CHST8: variants seen among roughly 807,000 people sequenced by gnomAD.
CHST8 encodes GALNAC-4-ST1.
Under a neutral mutation model 15.0 loss-of-function variants are expected in CHST8, and 10 were observed. The observed-to-expected ratio is 0.67, with a 90% CI of 0.41 to 1.13. CHST8 has a LOEUF of 1.13. Among genes scored for constraint, CHST8 ranks in the 50% most tolerant of loss-of-function variants. The probability of loss-of-function intolerance (pLI) is 0.00; values close to 1 mark genes in which losing one functional copy is unlikely to be tolerated. For synonymous variants in CHST8, 259 were observed against 256.6 expected, an observed-to-expected ratio of 1.01 and a Z score of -0.09; for missense variants, 634 against 608.2, an observed-to-expected ratio of 1.04 and a Z score of -0.45.
At chr19:33,708,939 T>C (rs1417996141) in intron 3 of CHST8, among the ~76,000 whole-genome samples, 2 of 152,236 alleles carry the variant, frequency 1.3e-5, no homozygotes, top group African/African-American at 4.8e-5. Context: ...ATACAAGTCT[T>C]ATCTTTCTTT....
rs145493860 is a variant in CHST8, at chr19:33,728,244, G to A, written c.130+38853G>A. Among the ~76,000 whole-genome samples, 1,135 of 152,322 alleles carry A rather than the reference G, an allele frequency of 7.5e-3. 18 individuals carry two copies. Among genetic ancestry groups the A allele is most frequent in the African/African-American group, 0.026 (1,094 of 41,560 alleles). ...AATTCAGCATCATTCACACATCCCC[G>A]TTGAGTTCACAGTTCTCTCTAGGCT... is the stretch of plus-strand genomic sequence containing the variant. On this transcript the variant is annotated intron_variant, in intron 3 of 4. Coordinates refer to ENST00000650847, the MANE Select transcript of CHST8 (RefSeq NM_001127895.2).
intron 2 of CHST8, among the ~76,000 whole-genome samples, chr19:33,686,809 T>G (rs1465939941): frequency 1.3e-5 from 2 of 152,206 alleles, no homozygotes; most frequent in South Asian, 4.1e-4. Flanking sequence ...CTGGGGACCA[T>G]CGATGGTATG....
At chr19:33,738,419 G>A (rs1167663832) in intron 3 of CHST8, among the ~76,000 whole-genome samples, 1 of 152,192 alleles carries the variant, frequency 6.6e-6, no homozygotes, top group African/African-American at 2.4e-5. Flanking sequence ...CCTGGGCAGA[G>A]AGGTATTAAT....
At chr19:33,710,848 G>A (rs1451577442) in intron 3 of CHST8, among the ~76,000 whole-genome samples, 1 of 149,266 alleles carries the variant, frequency 6.7e-6, no homozygotes, top group African/African-American at 2.5e-5. Flanking sequence ...TTGATATGTT[G>A]TATGCTTTTG....
intron 2 of CHST8, among the ~76,000 whole-genome samples, chr19:33,681,747 C>T (rs2145245419): frequency 6.6e-6 from 1 of 152,248 alleles, no homozygotes; most frequent in African/African-American, 2.4e-5. Flanking sequence ...TCCTGAAGAT[C>T]AGACTTAAGT....
At chr19:33,766,788 C>T (rs1389661900) in intron 3 of CHST8, among the ~76,000 whole-genome samples, 1 of 152,234 alleles carries the variant, frequency 6.6e-6, no homozygotes, top group African/African-American at 2.4e-5. Context: ...GGCTCCCTGG[C>T]CTGTTGGGCA....
At chr19:33,743,368 C>T (rs1358338434) in intron 3 of CHST8, among the ~76,000 whole-genome samples, 6 of 142,732 alleles carry the variant, frequency 4.2e-5, no homozygotes, top group African/African-American at 1.6e-4. Flanking sequence ...GGCGCGATCT[C>T]GGCTCACTGC....
chr19:33,726,489 G>A (rs183324017), intron 3 of CHST8, among the ~76,000 whole-genome samples: 2 of 152,126 alleles, frequency 1.3e-5, no homozygotes, highest in Non-Finnish European at 1.5e-5. Flanking sequence ...TGGAAGTCCT[G>A]GTTGCACCAC....
intron 3 of CHST8, among the ~76,000 whole-genome samples, chr19:33,702,208 G>A (rs1311259340): frequency 2.0e-5 from 3 of 151,934 alleles, no homozygotes; most frequent in African/African-American, 7.2e-5. Context: ...TCCTGACCTC[G>A]GTGATCCACC....
At chr19:33,756,445 C>A (rs1974548397) in intron 3 of CHST8, among the ~76,000 whole-genome samples, 1 of 152,160 alleles carries the variant, frequency 6.6e-6, no homozygotes, top group African/African-American at 2.4e-5. Flanking sequence ...CTGCTACCTG[C>A]AGGTGCTGCT....
At chr19:33,768,362 G>T (rs1448862123) in intron 3 of CHST8, among the ~76,000 whole-genome samples, 1 of 152,120 alleles carries the variant, frequency 6.6e-6, no homozygotes, top group Non-Finnish European at 1.5e-5. Flanking sequence ...ATTTCTTGAG[G>T]CCAGGTGTTT....
At chr19:33,641,650 G>T (rs1412361726) in intron 1 of CHST8, among the ~76,000 whole-genome samples, 1 of 152,058 alleles carries the variant, frequency 6.6e-6, no homozygotes, top group Non-Finnish European at 1.5e-5. Flanking sequence ...GCCCAGAAAT[G>T]AGGGGGTTCT....
At chr19:33,623,064 G>A (rs957031184) in intron 1 of CHST8, among the ~76,000 whole-genome samples, 1 of 152,184 alleles carries the variant, frequency 6.6e-6, no homozygotes, top group Admixed American at 6.5e-5. Flanking sequence ...CCAGGAGGGC[G>A]ATCACGGGTT....
chr19:33,724,894 C>T (rs1358275857), intron 3 of CHST8, among the ~76,000 whole-genome samples: 1 of 152,186 alleles, frequency 6.6e-6, no homozygotes, highest in Non-Finnish European at 1.5e-5. Flanking sequence ...CACCTCGGCA[C>T]ACCCCAGCCA....
chr19:33,771,800 C>G (rs1474577373), intron 4 of CHST8, among the ~76,000 whole-genome samples, 157 bp from the exon 5 acceptor site: 1 of 152,134 alleles, frequency 6.6e-6, no homozygotes, highest in African/African-American at 2.4e-5. Context: ...GGGTGCCGGG[C>G]CAGGGCTCAG....
At chr19:33,693,678 C>T (rs1463628731) in intron 3 of CHST8, among the ~76,000 whole-genome samples, 1 of 152,102 alleles carries the variant, frequency 6.6e-6, no homozygotes, top group Non-Finnish European at 1.5e-5. Context: ...TAAGGATTCA[C>T]GTTGTTCTCT....
At chr19:33,719,876 C>T (rs1024664724) in intron 3 of CHST8, among the ~76,000 whole-genome samples, 1 of 152,156 alleles carries the variant, frequency 6.6e-6, no homozygotes, top group Admixed American at 6.5e-5. Flanking sequence ...GAAGCCAGCC[C>T]GTCCGTGACC....
chr19:33,691,004 G>A (rs1007819834), intron 3 of CHST8, among the ~76,000 whole-genome samples: 2 of 152,198 alleles, frequency 1.3e-5, no homozygotes, highest in African/African-American at 4.8e-5. Context: ...CCTGGGAGAG[G>A]AGGCATGAGT....
chr19:33,647,584 G>A (rs777959138), intron 1 of CHST8, among the ~76,000 whole-genome samples: 8 of 152,310 alleles, frequency 5.3e-5, no homozygotes, highest in Non-Finnish European at 8.8e-5. Context: ...GGTGACTCAC[G>A]CTTATAATCC....
Sources: gnomAD v4.1 joint callset for allele counts (sites outside exome capture counted in the v4.1 genomes callset) on GRCh38, gnomAD v4.1.1 for gene constraint, MANE v1.5 for transcripts, NCBI Gene and HGNC (gene_info 2026-07-23, HGNC 2026-07-21) for gene names.